BCOR: variants seen among roughly 807,000 people sequenced by gnomAD.
BCOR encodes BCL-6 corepressor.
A neutral mutation model predicts 86.7 loss-of-function variants in BCOR; 10 were observed. That is an observed-to-expected ratio of 0.12 (90% CI 0.07 to 0.20). BCOR has a LOEUF of 0.20. Ranked by LOEUF, BCOR falls within the 10% of genes least tolerant of loss-of-function variation. The probability of loss-of-function intolerance (pLI) is 1.00; values close to 1 mark genes in which losing one functional copy is unlikely to be tolerated. For synonymous variants in BCOR, 611 were observed against 609.0 expected (o/e 1.00, Z -0.05); for missense variants, 1,259 against 1,452.1 (o/e 0.87, Z 2.16).
chrX:40,086,113 C>T (rs898957674), intron 1 of BCOR, among the ~76,000 whole-genome samples: 6 of 110,992 alleles, frequency 5.4e-5, no homozygotes, highest in African/African-American at 2.0e-4. Flanking sequence ...AAAAGCCAAT[C>T]TGTCCTCCCT....
intron 5 of BCOR, 74 bp from the exon 6 acceptor site, chrX:40,071,233 TAAAGG>T: frequency 5.8e-6 from 6 of 1,043,466 alleles, no homozygotes; most frequent in South Asian, 2.1e-5. Context: ...TGCCTTATCT[TAAAGG>T]AAAGTATTTT....
intron 1 of BCOR, among the ~76,000 whole-genome samples, chrX:40,139,468 T>C (rs1337261962): frequency 1.5e-4 from 1 of 6,861 alleles, no homozygotes; most frequent in South Asian, 6.8e-3. Flanking sequence ...TATATATATA[T>C]ATATATATAT....
chrX:40,083,693 G>GCCCGCTCCTCCTC (rs1173734442), intron 1 of BCOR, among the ~76,000 whole-genome samples: 10 of 112,273 alleles, frequency 8.9e-5, no homozygotes, highest in Non-Finnish European at 1.9e-4. Context: ...CTCGGGGCTC[G>GCCCGCTCCTCCTC]CCCGCTCCTC....
Position 40,052,396 on chromosome X carries a change from G to T in BCOR, c.4981C>A (p.Arg1661=). The T allele has an allele frequency of 8.3e-7, 1 of 1,208,867 alleles. No individual in the cohort carries two copies. The highest frequency in any genetic ancestry group is 1.1e-6 in the Non-Finnish European group (1 of 893,487). ...NIQVSVAQGP[R]NWLLLSDVLK... is the part of the protein sequence containing the mutation. ...ACATCCGAAAGCAGTAGCCAGTTTCGTGGCCTACAAAACAGAAAGGAAAAT... is the reference window on the plus strand; with the variant it reads ...ACATCCGAAAGCAGTAGCCAGTTTCTTGGCCTACAAAACAGAAAGGAAAAT... The change falls in exon 15 of 15, where the codon CGA becomes AGA. Residue 1661 remains arginine (R), a synonymous_variant. Coordinates refer to ENST00000378444, the MANE Select transcript of BCOR (RefSeq NM_001123385.2).
chrX:40,071,755 A>C, intron 4 of BCOR, 65 bp from the exon 5 acceptor site: 1 of 852,196 alleles, frequency 1.2e-6, no homozygotes, highest in Non-Finnish European at 1.7e-6. Context: ...TATAAGCATA[A>C]ACCAATTTTT....
intron 1 of BCOR, among the ~76,000 whole-genome samples, chrX:40,108,301 G>A (rs1003720513): frequency 8.9e-6 from 1 of 112,737 alleles, no homozygotes; most frequent in African/African-American, 3.2e-5. Context: ...CGGCAGCGTG[G>A]CTTCCCTTCC....
intron 1 of BCOR, among the ~76,000 whole-genome samples, chrX:40,103,380 TC>T (rs1036223900): frequency 2.7e-5 from 3 of 109,240 alleles, no homozygotes; most frequent in African/African-American, 1.0e-4. Context: ...TAGCCTTGCA[TC>T]CCCCCCTCCC....
intron 1 of BCOR, among the ~76,000 whole-genome samples, chrX:40,155,340 G>C (rs939531254): frequency 2.7e-5 from 3 of 112,548 alleles, no homozygotes; most frequent in African/African-American, 9.7e-5. Flanking sequence ...GCTGCGACCG[G>C]GGGAGAGGGT....
intron 1 of BCOR, among the ~76,000 whole-genome samples, chrX:40,109,506 C>T (rs1937260176): frequency 8.9e-6 from 1 of 112,433 alleles, no homozygotes; most frequent in South Asian, 3.5e-4. Context: ...GACCTCCGCT[C>T]CTCGGCCCCG....
Position 40,139,491 on chromosome X carries a change from ATATATATTTTTTT to A in BCOR, c.-41+37503_-41+37515del, listed in dbSNP as rs1329147627. The stretch of plus-strand genomic sequence containing the variant: ...TATATATATATATATATATATATAT[ATATATATTTTTTT>A]TTTTTTTTAAGCATCAGCCTTAATA... On this transcript the variant is annotated intron_variant, in intron 1 of 14. Transcript: ENST00000342274. 4.8e-4 allele frequency among the ~76,000 whole-genome samples: 4 copies of A among 8,278 alleles called. 2 individuals are homozygous for A. The highest frequency in any genetic ancestry group is 1.4e-3 in the African/African-American group (2 of 1,452). The allele number at this position is 8,278 out of a possible 115,157, so 7.2% of individuals were successfully genotyped here.
chrX:40,138,078 G>A (rs1457317457), intron 1 of BCOR, among the ~76,000 whole-genome samples: 1 of 111,171 alleles, frequency 9.0e-6, no homozygotes, highest in Non-Finnish European at 1.9e-5. Flanking sequence ...TCAGCCTCCC[G>A]AGTAGCTGGG....
chrX:40,070,741 C>G (rs1935436063), intron 6 of BCOR, among the ~76,000 whole-genome samples: 2 of 111,948 alleles, frequency 1.8e-5, no homozygotes, highest in Non-Finnish European at 3.8e-5. Flanking sequence ...TACTGCCATA[C>G]CTCTGCTACA....
intron 1 of BCOR, among the ~76,000 whole-genome samples, chrX:40,140,566 G>A (rs771065991): frequency 1.8e-5 from 2 of 112,679 alleles, no homozygotes; most frequent in Admixed American, 1.9e-4. Flanking sequence ...GCACAATGAA[G>A]TTTTCAGCTC....
intron 10 of BCOR, among the ~76,000 whole-genome samples, chrX:40,059,402 G>A (rs1204270348): frequency 8.9e-6 from 1 of 112,310 alleles, no homozygotes; most frequent in Non-Finnish European, 1.9e-5. Flanking sequence ...TTTTGGCAAC[G>A]GGTCTGCTGG....
chrX:40,144,031 C>T (rs1223176769), intron 1 of BCOR, among the ~76,000 whole-genome samples: 3 of 111,998 alleles, frequency 2.7e-5, no homozygotes, highest in African/African-American at 9.7e-5. Flanking sequence ...AGGAAGGCTC[C>T]GGTTTGAACT....
At chrX:40,164,666 A>C (rs1372173462) in intron 1 of BCOR, among the ~76,000 whole-genome samples, 1 of 111,653 alleles carries the variant, frequency 9.0e-6, no homozygotes, top group Admixed American at 9.5e-5. Context: ...AAGCATTTCC[A>C]CCAGGCTGGT....
intron 2 of BCOR, chrX:40,076,930 T>A (rs1935835547): frequency 3.1e-6 from 1 of 325,342 alleles, no homozygotes; most frequent in Non-Finnish European, 5.9e-6. Flanking sequence ...CACAGCCAAA[T>A]ACCAAAGGGG....
chrX:40,057,432 A>C, intron 10 of BCOR, 111 bp from the exon 11 acceptor site: 1 of 820,569 alleles, frequency 1.2e-6, no homozygotes, highest in Non-Finnish European at 1.8e-6. Flanking sequence ...GAACCTGAGA[A>C]CCTCTCGGGC....
At chrX:40,094,809 C>T (rs1336324797) in intron 1 of BCOR, among the ~76,000 whole-genome samples, 1 of 113,405 alleles carries the variant, frequency 8.8e-6, no homozygotes, top group Non-Finnish European at 1.9e-5. Flanking sequence ...CCCAGCGGCG[C>T]TCCCCGCAGC....
Sources: allele counts gnomAD v4.1 joint callset (sites outside exome capture counted in the v4.1 genomes callset), GRCh38; gene constraint gnomAD v4.1.1; transcripts MANE v1.5; gene names NCBI Gene and HGNC (gene_info 2026-07-23, HGNC 2026-07-21).